Variants in ADAMTS3 observed in about 807,000 individuals in gnomAD.
ADAMTS3 encodes ADAM metallopeptidase with thrombospondin type 1 motif 3.
In ADAMTS3, 73 loss-of-function variants were observed where a neutral mutation model predicts 129.0. The observed-to-expected ratio is 0.57, with a 90% CI of 0.47 to 0.69. ADAMTS3 has a LOEUF of 0.69. ADAMTS3 is among the 30% of genes least tolerant of loss of function. The probability of loss-of-function intolerance (pLI) is 0.00; values close to 1 mark genes in which losing one functional copy is unlikely to be tolerated. For missense variants in ADAMTS3, 1,457 were observed against 1,514.5 expected, an observed-to-expected ratio of 0.96 and a Z score of 0.63; for synonymous variants, 477 against 510.8, an observed-to-expected ratio of 0.93 and a Z score of 0.89.
intron 3 of ADAMTS3, among the ~76,000 whole-genome samples, chr4:72,539,152 A>T (rs1031444812): frequency 2.6e-5 from 4 of 152,180 alleles, no homozygotes; most frequent in Non-Finnish European, 4.4e-5. Flanking sequence ...AAAAGAAAAA[A>T]TAAATTGGAC....
At chr4:72,313,849 T>C in intron 11 of ADAMTS3, 27 bp from the exon 12 acceptor site, 1 of 1,613,066 alleles carries the variant, frequency 6.2e-7, no homozygotes, top group Non-Finnish European at 8.5e-7. Flanking sequence ...AAGGTAATTA[T>C]TAAAATCACG....
chr4:72,371,097 C>T (rs1720993493), intron 4 of ADAMTS3, among the ~76,000 whole-genome samples: 1 of 152,172 alleles, frequency 6.6e-6, no homozygotes, highest in Admixed American at 6.5e-5. Flanking sequence ...CAGGCAACCA[C>T]CAGGAGCTAG....
chr4:72,318,868 A>T (rs766882643), intron 9 of ADAMTS3, among the ~76,000 whole-genome samples, 164 bp from the exon 10 acceptor site: 1 of 152,232 alleles, frequency 6.6e-6, no homozygotes, highest in Non-Finnish European at 1.5e-5. Context: ...GGTTCCATTT[A>T]GAAAAAGACT....
chr4:72,298,229 T>A (rs774183158), intron 18 of ADAMTS3, 48 bp downstream of exon 18: 1 of 1,518,446 alleles, frequency 6.6e-7, no homozygotes. Context: ...GCAAGATTGG[T>A]TTTTATATGC....
At chr4:72,439,161 A>C (rs1465127152) in intron 3 of ADAMTS3, among the ~76,000 whole-genome samples, 2 of 151,772 alleles carry the variant, frequency 1.3e-5, no homozygotes, top group African/African-American at 4.8e-5. Flanking sequence ...AATGTAACTT[A>C]ATAAGTGGCC....
intron 5 of ADAMTS3, among the ~76,000 whole-genome samples, chr4:72,335,978 T>C (rs1460320095): frequency 1.3e-5 from 2 of 152,178 alleles, no homozygotes; most frequent in Non-Finnish European, 2.9e-5. Context: ...ACATAAGAAA[T>C]ATAAGCTTCT....
intron 3 of ADAMTS3, among the ~76,000 whole-genome samples, chr4:72,533,294 A>G (rs1490259048): frequency 6.6e-6 from 1 of 152,178 alleles, no homozygotes; most frequent in African/African-American, 2.4e-5. Flanking sequence ...CAGATTCATC[A>G]ATAAAACTGT....
intron 3 of ADAMTS3, among the ~76,000 whole-genome samples, chr4:72,520,194 T>G (rs1720622903): frequency 6.6e-6 from 1 of 152,214 alleles, no homozygotes; most frequent in Admixed American, 6.5e-5. Context: ...ATCGTTCCTC[T>G]GGAAGTTTTG....
chr4:72,312,348 A>C lies in ADAMTS3; in HGVS notation c.1864T>G (p.Ser622Ala), dbSNP rs767237669. Reference protein sequence around the residue: ...FRAQQCQQRNSHFEYQNTKHH... With the variant: ...FRAQQCQQRNAHFEYQNTKHH... ...TTGGTATTCTGGTATTCAAAGTGGG[A>C]GTTTCGCTGCTGACACTGCTGTGCT... Residue 622 changes from serine to alanine, a missense_variant, in exon 13 of 22, where the codon TCC (serine) becomes GCC (alanine). Transcript: ENST00000286657. The C allele has an allele frequency of 1.2e-5, 19 of 1,613,658 alleles. No homozygotes were observed. The highest frequency in any genetic ancestry group is 8.5e-7 in the Non-Finnish European group (1 of 1,179,784).
rs752420172 is a variant in ADAMTS3 at position 72,283,129 on chromosome 4, C to T, written c.*7G>A. On this transcript the variant is annotated 3_prime_UTR_variant, in exon 22 of 22. Transcript: ENST00000286657. ...CCTCTGGTTTCTAGCCTTTTTGGTT[C>T]ACTTTCTCATCTTTCTAAGGTGGAT... 2.5e-6 allele frequency: 4 copies of T among 1,582,286 alleles called. No homozygotes were observed. The highest frequency in any genetic ancestry group is 1.8e-5 in the Admixed American group (1 of 55,912).
chr4:72,307,575 C>T (rs1719120609), intron 15 of ADAMTS3, among the ~76,000 whole-genome samples: 1 of 151,918 alleles, frequency 6.6e-6, no homozygotes, highest in South Asian at 2.1e-4. Flanking sequence ...TCCCATAAGT[C>T]ACATATTTTA....
At chr4:72,524,275 G>A (rs1369868679) in intron 3 of ADAMTS3, among the ~76,000 whole-genome samples, 1 of 152,074 alleles carries the variant, frequency 6.6e-6, no homozygotes, top group Non-Finnish European at 1.5e-5. Flanking sequence ...AGGTATGCAA[G>A]TACCTGTACA....
At chr4:72,308,630 ATC>A (rs1719149878) in intron 15 of ADAMTS3, among the ~76,000 whole-genome samples, 1 of 152,012 alleles carries the variant, frequency 6.6e-6, no homozygotes, top group African/African-American at 2.4e-5. Context: ...ACTGAATAGT[ATC>A]TGATACAAAC....
At chr4:72,532,158 T>G (rs1181872550) in intron 3 of ADAMTS3, among the ~76,000 whole-genome samples, 1 of 152,138 alleles carries the variant, frequency 6.6e-6, no homozygotes, top group African/African-American at 2.4e-5. Flanking sequence ...CAGTAGAGTT[T>G]TAGGGTCTGT....
chr4:72,359,920 A>G (rs1169701133), intron 4 of ADAMTS3, among the ~76,000 whole-genome samples: 4 of 152,088 alleles, frequency 2.6e-5, no homozygotes, highest in African/African-American at 9.7e-5. Context: ...ATTAATTTGT[A>G]TATAAGTACA....
At position 72,492,234 on chromosome 4, in the gene ADAMTS3, G is replaced by GT. The variant is rs776310904; in HGVS notation, c.504+56243dup. On this transcript the variant is annotated intron_variant, in intron 3 of 21. Transcript: ENST00000286657. The stretch of plus-strand genomic sequence containing the variant: ...CTTTCAGCTTTGCTGATTTTTTTCT[G>GT]TTTTTTTATTCTCTATTTGATTTAT... Among the ~76,000 whole-genome samples the GT allele has an allele frequency of 3.3e-5, 5 of 150,374 alleles. No homozygotes were observed. The South Asian group carries it at 6.3e-4, about 19-fold the overall frequency.
intron 4 of ADAMTS3, among the ~76,000 whole-genome samples, chr4:72,404,420 T>C (rs930821857): frequency 6.6e-6 from 1 of 152,076 alleles, no homozygotes; most frequent in Non-Finnish European, 1.5e-5. Context: ...GAGAGTCTCC[T>C]CAATGAATGG....
chr4:72,517,605 T>C (rs1308676878), intron 3 of ADAMTS3, among the ~76,000 whole-genome samples: 1 of 152,252 alleles, frequency 6.6e-6, no homozygotes, highest in African/African-American at 2.4e-5. Flanking sequence ...TTCTTCTAGA[T>C]TTTCTACTTT....
intron 10 of ADAMTS3, among the ~76,000 whole-genome samples, chr4:72,316,855 C>T (rs553582116): frequency 6.6e-6 from 1 of 152,172 alleles, no homozygotes; most frequent in Non-Finnish European, 1.5e-5. Context: ...ATTTGATTCT[C>T]ATACCAATCC....
Sources: gnomAD v4.1 joint callset for allele counts (sites outside exome capture counted in the v4.1 genomes callset) on GRCh38, gnomAD v4.1.1 for gene constraint, MANE v1.5 for transcripts, NCBI Gene and HGNC (gene_info 2026-07-23, HGNC 2026-07-21) for gene names.